Variants in ASIC4 observed in about 807,000 individuals in gnomAD.
ASIC4 encodes the protein acid-sensing ion channel 4.
A neutral mutation model predicts 53.4 loss-of-function variants in ASIC4; 28 were observed. The ratio of observed to expected loss-of-function variants is 0.52; its 90% CI spans 0.39 to 0.72. ASIC4 has a LOEUF of 0.72. Among genes scored for constraint, ASIC4 ranks in the 30% least tolerant of loss-of-function variants. The pLI is 0.00. For missense variants in ASIC4, 649 were observed against 729.7 expected (o/e 0.89, Z 1.27); for synonymous variants, 289 against 301.4 (o/e 0.96, Z 0.43).
chr2:219,526,617 C>T (rs1559117553), intron 1 of ASIC4, among the ~76,000 whole-genome samples: 1 of 151,900 alleles, frequency 6.6e-6, no homozygotes, highest in Non-Finnish European at 1.5e-5. Context: ...GAGAAGGACT[C>T]GAGAGACAGA....
At chr2:219,531,727 TC>T in intron 1 of ASIC4, 30 bp from the exon 2 acceptor site, 1 of 1,542,934 alleles carries the variant, frequency 6.5e-7, no homozygotes, top group Non-Finnish European at 8.7e-7. Flanking sequence ...TCCTTTCATC[TC>T]CCCTCCTGCT....
At chr2:219,528,530 TTTGTTG>T (rs751278104) in intron 1 of ASIC4, among the ~76,000 whole-genome samples, 2 of 150,376 alleles carry the variant, frequency 1.3e-5, no homozygotes, top group African/African-American at 4.9e-5. Flanking sequence ...GTCTGGACTT[TTTGTTG>T]TTGTTGTTGT....
At chr2:219,514,047 G>T (rs1179163789), upstream of ASIC4, 16 of 419,600 alleles carry the variant, frequency 3.8e-5, no homozygotes, top group South Asian at 5.3e-4. Context: ...GAGGCCAGGA[G>T]GTGGGGGGAT....
At position 219,523,619 on chromosome 2, in the gene ASIC4, G is replaced by A. The variant is rs564070975; in HGVS notation, c.583-8139G>A. On this transcript the variant is annotated intron_variant, in intron 1 of 9. Transcript: ENST00000358078. Reference sequence around the variant, plus strand: ...TGGCATTGTCTGATGCCCCTCCTGGGTGAGCCAGGTGGCTTGTTTAGAGAA... The same window carrying A: ...TGGCATTGTCTGATGCCCCTCCTGGATGAGCCAGGTGGCTTGTTTAGAGAA... Among the ~76,000 whole-genome samples the A allele has an allele frequency of 7.1e-4, 108 of 152,306 alleles. No homozygotes were observed. In the Middle Eastern group the frequency reaches 0.01, roughly 14 times the overall value.
In ASIC4 at chr2:219,537,282, C is replaced by T; in HGVS notation, c.1362C>T (p.Ser454=). 6.2e-7 allele frequency: 1 copy of T among 1,613,692 alleles called. No individual in the cohort carries two copies. Among genetic ancestry groups the T allele is most frequent in the Middle Eastern group, 1.6e-4 (1 of 6,062 alleles). Residue 454 remains serine (S), a synonymous_variant, in exon 8 of 10, where the codon AGC becomes AGT. Transcript: ENST00000358078. The surrounding 1 kb of genome is among the most constrained non-coding windows in gnomAD (Gnocchi z 4.9). ...AGATGGGCCTGTTCATTGGGGCCAG[C>T]ATCCTCACGTTGCTGGAGATCCTCG... The part of the protein sequence containing the change: ...GGQMGLFIGA[S]ILTLLEILDY...
Position 219,532,897 on chromosome 2 carries a change from T to C in ASIC4, c.1033T>C (p.Cys345Arg). Residue 345 changes from cysteine (C) to arginine (R), a missense_variant, in exon 5 of 10, where the codon TGC (cysteine) becomes CGC (arginine). Physicochemically the swap from Cys to Arg is radical, Grantham distance 180 (BLOSUM62 -3). Coordinates refer to ENST00000358078, the MANE Select transcript of ASIC4 (RefSeq NM_018674.6). ...MVHMPGNETI[C>R]PPNIYIECAD... ...TCTCCTTTCAGGCAATGAGACCATCTGCCCACCAAATATCTACATCGAGTG... is the reference window on the plus strand; with the variant it reads ...TCTCCTTTCAGGCAATGAGACCATCCGCCCACCAAATATCTACATCGAGTG... 6.2e-7 allele frequency: 1 copy of C among 1,613,824 alleles called. No individual in the cohort carries two copies. The highest frequency in any genetic ancestry group is 8.5e-7 in the Non-Finnish European group (1 of 1,179,750).
Position 219,537,782 on chromosome 2 carries a change from C to T in ASIC4, c.1506+46C>T, listed in dbSNP as rs1296430867. The stretch of plus-strand genomic sequence containing the variant: ...CCTGCAGCATGCAGCCACACCTCCC[C>T]AGGACTGAATACATCCATTGTTTCT... On this transcript the variant is annotated intron_variant, in intron 9 of 9. Transcript: ENST00000358078. The surrounding 1 kb of genome is among the most constrained non-coding windows in gnomAD (Gnocchi z 4.9). 1 of 1,568,228 alleles carries T rather than the reference C, an allele frequency of 6.4e-7. No homozygotes were observed. Among genetic ancestry groups the T allele is most frequent in the Non-Finnish European group, 8.7e-7 (1 of 1,149,622 alleles).
In ASIC4 at chr2:219,516,506, A is replaced by G. The variant is rs994819481; in HGVS notation, c.582+1200A>G. 1.3e-5 allele frequency among the ~76,000 whole-genome samples: 2 copies of G among 151,808 alleles called. No individual in the cohort carries two copies. The highest frequency in any genetic ancestry group is 4.8e-5 in the African/African-American group (2 of 41,294). On this transcript the variant is annotated intron_variant, in intron 1 of 9. Coordinates refer to ENST00000358078, the MANE Select transcript of ASIC4 (RefSeq NM_018674.6). This position sits in a 1 kb window ranked among gnomAD's most constrained non-coding sequence, Gnocchi z 4.9. ...CATAGTCACAGGGTATCTAGTATTC[A>G]TGGCGCTCGAGATGCTTGTCCCTAG...
In ASIC4 at chr2:219,538,170, G is replaced by A; in HGVS notation, c.*124G>A. On this transcript the variant is annotated 3_prime_UTR_variant, in exon 10 of 10. Coordinates refer to ENST00000358078, the MANE Select transcript of ASIC4 (RefSeq NM_018674.6). ...CTGGGAGGGCCAGGACTCAGTTCCT[G>A]CTCTCATCCTCCCCTGCCCTGATGT... 1 of 798,084 alleles carries A rather than the reference G, an allele frequency of 1.3e-6. No homozygotes were observed. 49.4% of individuals were successfully genotyped at this position (798,084 alleles called of 1,614,324 possible). A position where few individuals can be genotyped will look rare whatever the true frequency, so the allele number is the denominator to read the frequency against.
chr2:219,520,728 A>C (rs72969423), intron 1 of ASIC4, among the ~76,000 whole-genome samples: 31,890 of 152,144 alleles, frequency 0.21, 3,436 homozygotes, highest in Admixed American at 0.23. Flanking sequence ...CTGAGGCATG[A>C]GCCTTAAGCA....
At position 219,537,128 on chromosome 2, in the gene ASIC4, G is replaced by C. The variant is rs776434719; in HGVS notation, c.1292G>C (p.Arg431Pro). The C allele has an allele frequency of 3.1e-6, 5 of 1,614,146 alleles. No homozygotes were observed. Among genetic ancestry groups the C allele is most frequent in the Non-Finnish European group, 4.2e-6 (5 of 1,180,014 alleles). ...EALTSEAMEQ[R>P]AAYGLSALLG... is the part of the protein sequence containing the mutation. ...CTGACCTCTGAAGCCATGGAGCAGC[G>C]AGCAGCCTATGGCCTGTCAGCCCTG... Residue 431 changes from arginine to proline, a missense_variant, in exon 7 of 10, where the codon CGA becomes CCA. Physicochemically the swap from Arg to Pro is moderately radical, Grantham distance 103. Transcript: ENST00000358078. This position sits in a 1 kb window ranked among gnomAD's most constrained non-coding sequence, Gnocchi z 4.9.
chr2:219,535,379 T>G lies in ASIC4; in HGVS notation c.1229+55T>G, dbSNP rs79379124. ...GTGTGACTCTGTGTGTACGTGTGTG[T>G]GGGGGGTGGCTGTGTGACTCTGTGT... On this transcript the variant is annotated intron_variant, in intron 6 of 9. Coordinates refer to ENST00000358078, the MANE Select transcript of ASIC4 (RefSeq NM_018674.6). 5.1e-5 allele frequency: 75 copies of G among 1,467,074 alleles called. No homozygotes were observed. The African/African-American group carries it at 6.6e-4, about 13-fold the overall frequency. The allele number at this position is 1,467,074 out of a possible 1,614,324, so 90.9% of individuals were successfully genotyped here. A position where few individuals can be genotyped will look rare whatever the true frequency, so the allele number is the denominator to read the frequency against.
At chr2:219,512,797 G>A (rs1327777459), upstream of ASIC4, among the ~76,000 whole-genome samples, 1 of 152,246 alleles carries the variant, frequency 6.6e-6, no homozygotes, top group Non-Finnish European at 1.5e-5. Context: ...GGAGGCTTGT[G>A]GGGAAGCCCA....
chr2:219,518,314 C>T lies in ASIC4; in HGVS notation c.582+3008C>T, dbSNP rs114615269. Among the ~76,000 whole-genome samples the T allele has an allele frequency of 7.1e-3, 1,081 of 152,142 alleles. 13 individuals carry two copies. The highest frequency in any genetic ancestry group is 0.024 in the African/African-American group (1,006 of 41,480). Reference sequence around the variant, plus strand: ...TAAGGTGCCAGGATCAATTGCCAGACGAGGTGCATGGGTAGTAAGAGGTCG... The same window carrying T: ...TAAGGTGCCAGGATCAATTGCCAGATGAGGTGCATGGGTAGTAAGAGGTCG... On this transcript the variant is annotated intron_variant, in intron 1 of 9. Coordinates refer to ENST00000358078, the MANE Select transcript of ASIC4 (RefSeq NM_018674.6). This position sits in a 1 kb window ranked among gnomAD's most constrained non-coding sequence, Gnocchi z 4.8.
Position 219,514,875 on chromosome 2 carries a change from C to A in ASIC4, c.151C>A (p.Leu51Met). The A allele has an allele frequency of 6.2e-7, 1 of 1,612,902 alleles. No homozygotes were observed. ...GGCCACCTTTGCCAGCACCAGCACCCTGCATGGACTGGGCCGGGCCTGTGG... is the reference window on the plus strand; with the variant it reads ...GGCCACCTTTGCCAGCACCAGCACCATGCATGGACTGGGCCGGGCCTGTGG... ...DLATFASTSTLHGLGRACGPG... is the reference protein window; with the variant it reads ...DLATFASTSTMHGLGRACGPG... Residue 51 changes from leucine to methionine, a missense_variant, in exon 1 of 10, where the codon CTG becomes ATG. By Grantham distance (15) the Leu-to-Met change is conservative. Transcript: ENST00000358078.
At chr2:219,515,435 C>G in intron 1 of ASIC4, 129 bp downstream of exon 1, 1 of 1,262,498 alleles carries the variant, frequency 7.9e-7, no homozygotes, top group South Asian at 1.5e-5. Context: ...AGAGGCTGGC[C>G]TCGTGTTTCC....
intron 1 of ASIC4, among the ~76,000 whole-genome samples, chr2:219,519,515 G>T (rs891728653): frequency 1.3e-5 from 2 of 152,310 alleles, no homozygotes; most frequent in Admixed American, 6.5e-5. Flanking sequence ...GTGTGCATAG[G>T]TGCAGGAGTG....
intron 1 of ASIC4, among the ~76,000 whole-genome samples, chr2:219,520,027 C>G (rs59355009): frequency 7.9e-4 from 120 of 152,202 alleles, no homozygotes; most frequent in African/African-American, 2.8e-3. Flanking sequence ...CGAAGAAACC[C>G]TGAGGAGGCA....
At chr2:219,529,509 C>T (rs541916828) in intron 1 of ASIC4, among the ~76,000 whole-genome samples, 2 of 152,272 alleles carry the variant, frequency 1.3e-5, no homozygotes, top group East Asian at 3.9e-4. Context: ...GGGACTGGGG[C>T]CCATTCCTGT....
Sources: gnomAD v4.1 joint callset for allele counts (sites outside exome capture counted in the v4.1 genomes callset) on GRCh38, gnomAD v4.1.1 for gene constraint, Gnocchi (gnomAD v3.1) non-coding constraint, MANE v1.5 for transcripts, NCBI Gene and HGNC (gene_info 2026-07-23, HGNC 2026-07-21) for gene names.